The following UHRF1 variants were observed in gnomAD, a reference collection of about 807,000 sequenced individuals.
UHRF1 encodes ubiquitin like with PHD and ring finger domains 1.
A neutral mutation model predicts 96.5 loss-of-function variants in UHRF1; 9 were observed. The observed-to-expected ratio is 0.09, with a 90% CI of 0.06 to 0.16. UHRF1 has a LOEUF of 0.16. Among genes scored for constraint, UHRF1 ranks in the 10% least tolerant of loss-of-function variants. The pLI, the probability that UHRF1 is intolerant of heterozygous loss-of-function variation, is 1.00. For missense variants in UHRF1, 626 were observed against 1,131.1 expected, an observed-to-expected ratio of 0.55 and a Z score of 6.40; for synonymous variants, 455 against 469.9, an observed-to-expected ratio of 0.97 and a Z score of 0.41.
At chr19:4,949,846 GTT>G (rs35696908) in intron 11 of UHRF1, among the ~76,000 whole-genome samples, 7 of 149,446 alleles carry the variant, frequency 4.7e-5, no homozygotes, top group African/African-American at 1.7e-4. Context: ...CTTTTTGTTT[GTT>G]TTTTTTTTAT....
At chr19:4,943,494 T>C (rs1599284402) in intron 7 of UHRF1, among the ~76,000 whole-genome samples, 2 of 110,754 alleles carry the variant, frequency 1.8e-5, no homozygotes, top group African/African-American at 3.6e-5. Context: ...GTTGTTGCCC[T>C]GCCCCCCCTC....
chr19:4,948,258 T>C (rs1443228095), intron 11 of UHRF1, among the ~76,000 whole-genome samples: 3 of 152,282 alleles, frequency 2.0e-5, no homozygotes, highest in African/African-American at 7.2e-5. Flanking sequence ...CAGTGAATTT[T>C]ATTTGCAAAA....
chr19:4,955,068 G>A (rs1285854360), intron 15 of UHRF1, among the ~76,000 whole-genome samples: 2 of 150,800 alleles, frequency 1.3e-5, no homozygotes, highest in Non-Finnish European at 3.0e-5. Context: ...CCCCAGCCCC[G>A]GCAACTGCTC....
chr19:4,957,771 C>G (rs994826390), intron 16 of UHRF1, among the ~76,000 whole-genome samples: 3 of 152,148 alleles, frequency 2.0e-5, no homozygotes, highest in Non-Finnish European at 4.4e-5. Context: ...ATGCCAGGAG[C>G]TCCCTGCCTA....
intron 5 of UHRF1, among the ~76,000 whole-genome samples, chr19:4,934,769 C>T (rs1451356631): frequency 6.6e-6 from 1 of 152,038 alleles, no homozygotes; most frequent in Non-Finnish European, 1.5e-5. Context: ...GCATCTGTGG[C>T]CCGGTAGGGA....
intron 2 of UHRF1, among the ~76,000 whole-genome samples, chr19:4,919,975 G>T (rs2032651979): frequency 1.3e-5 from 2 of 151,682 alleles, no homozygotes; most frequent in Non-Finnish European, 2.9e-5. Flanking sequence ...CCACCACCAC[G>T]CCTGGCTAAT....
In UHRF1 at chr19:4,929,431, A is replaced by T; in HGVS notation, c.363A>T (p.Pro121=). 1.9e-6 allele frequency: 3 copies of T among 1,613,864 alleles called. No individual in the cohort carries two copies. The highest frequency in any genetic ancestry group is 2.5e-6 in the Non-Finnish European group (3 of 1,179,860). ...GEAAAETDSR[P]ADEDMWDETE... Reference sequence around the variant, plus strand: ...CGGCCGCCGAGACTGACAGCAGGCCAGCCGATGAGGACATGTGGGATGAGA... The same window carrying T: ...CGGCCGCCGAGACTGACAGCAGGCCTGCCGATGAGGACATGTGGGATGAGA... Residue 121 remains proline (P), a synonymous_variant, in exon 3 of 17, where the codon CCA becomes CCT. Transcript: ENST00000650932.
At chr19:4,914,156 G>A (rs1002707419) in intron 2 of UHRF1, among the ~76,000 whole-genome samples, 1 of 152,020 alleles carries the variant, frequency 6.6e-6, no homozygotes, top group Admixed American at 6.6e-5. Context: ...AGATCGTGTC[G>A]TTGCTTCTGT....
At chr19:4,908,115 C>T (rs1340862198), upstream of UHRF1, among the ~76,000 whole-genome samples, 1 of 152,166 alleles carries the variant, frequency 6.6e-6, no homozygotes, top group African/African-American at 2.4e-5. Flanking sequence ...GGACATTGTG[C>T]CCACCTGGAT....
chr19:4,952,209 C>T (rs1467631602), intron 13 of UHRF1, among the ~76,000 whole-genome samples: 1 of 151,612 alleles, frequency 6.6e-6, no homozygotes, highest in Non-Finnish European at 1.5e-5. Flanking sequence ...ACTCCTGCCT[C>T]AGCCTCCTGA....
chr19:4,953,114 C>G lies in UHRF1; in HGVS notation c.1819-1236C>G, dbSNP rs150511546. Among the ~76,000 whole-genome samples the G allele has an allele frequency of 5.8e-4, 89 of 152,272 alleles. 1 individual carries two copies. Among genetic ancestry groups the G allele is most frequent in the African/African-American group, 2.1e-3 (89 of 41,558 alleles). On this transcript the variant is annotated intron_variant, in intron 13 of 16. Coordinates refer to ENST00000650932, the MANE Select transcript of UHRF1 (RefSeq NM_001048201.3). Reference sequence around the variant, plus strand: ...CTCACATTAAATGCGCTTACCCCGACCCTGCCAGGTGGAGCTTGGCCGATT... The same window carrying G: ...CTCACATTAAATGCGCTTACCCCGAGCCTGCCAGGTGGAGCTTGGCCGATT...
chr19:4,946,190 C>A (rs373892823), intron 10 of UHRF1, among the ~76,000 whole-genome samples: 1 of 152,080 alleles, frequency 6.6e-6, no homozygotes, highest in Non-Finnish European at 1.5e-5. Context: ...CTCCCCACCC[C>A]CTCCCAGTCC....
At position 4,941,779 on chromosome 19, in the gene UHRF1, C is replaced by T. The variant is rs747067129; in HGVS notation, c.921C>T (p.Asp307=). The change falls in exon 7 of 17, where the codon GAC becomes GAT. Residue 307 remains aspartate, a synonymous_variant. Transcript: ENST00000650932. ...GGCCGTCCTGCAAGCACTGCAAGGA[C>T]GACGTGAACAGACTCTGCCGGGTCT... ...KSGPSCKHCK[D]DVNRLCRVCA... is the part of the protein sequence containing the mutation. 22 of 1,566,268 alleles carry T rather than the reference C, an allele frequency of 1.4e-5. 1 individual carries two copies. Among genetic ancestry groups the T allele is most frequent in the Middle Eastern group, 1.7e-4 (1 of 5,882 alleles).
intron 11 of UHRF1, among the ~76,000 whole-genome samples, 190 bp downstream of exon 11, chr19:4,947,401 T>C (rs1175560634): frequency 1.3e-5 from 2 of 148,468 alleles, no homozygotes; most frequent in African/African-American, 2.5e-5. Context: ...CTGCGCCTGG[T>C]CTGGTTCCTC....
chr19:4,958,099 C>A (rs981932568), intron 16 of UHRF1, among the ~76,000 whole-genome samples: 2 of 152,194 alleles, frequency 1.3e-5, no homozygotes, highest in African/African-American at 4.8e-5. Context: ...ATGGGGTGTT[C>A]CCAGTCATGC....
At position 4,930,575 on chromosome 19, in the gene UHRF1, C is replaced by T. The variant is rs1436690021; in HGVS notation, c.409-141C>T. On this transcript the variant is annotated intron_variant, in intron 3 of 16. Transcript: ENST00000650932. This position sits in a 1 kb window ranked among gnomAD's most constrained non-coding sequence, Gnocchi z 4.4. ...CTGGTTTCTCATGGTCAGCGGTTCC[C>T]AGCCAGGGAGGAGAAACCTCGCTGT... is the stretch of plus-strand genomic sequence containing the variant. The T allele has an allele frequency of 9.1e-7, 1 of 1,096,056 alleles. No individual in the cohort carries two copies. The highest frequency in any genetic ancestry group is 1.3e-6 in the Non-Finnish European group (1 of 767,748). 67.9% of individuals were successfully genotyped at this position (1,096,056 alleles called of 1,614,324 possible).
chr19:4,938,103 A>G (rs1477434079), intron 5 of UHRF1, among the ~76,000 whole-genome samples: 1 of 151,130 alleles, frequency 6.6e-6, no homozygotes, highest in Non-Finnish European at 1.5e-5. Flanking sequence ...GCAGTGAGCT[A>G]TGATCATGCC....
At chr19:4,907,265 C>T (rs191942727), upstream of UHRF1, among the ~76,000 whole-genome samples, 1 of 152,000 alleles carries the variant, frequency 6.6e-6, no homozygotes, top group African/African-American at 2.4e-5. Context: ...ACACACCACC[C>T]TGCCCAGCTA....
At chr19:4,959,853 T>A (rs1316342469) in intron 16 of UHRF1, among the ~76,000 whole-genome samples, 1 of 151,760 alleles carries the variant, frequency 6.6e-6, no homozygotes, top group Non-Finnish European at 1.5e-5. Context: ...GCCCGGCTAA[T>A]TTTTTTGTTT....
Sources: allele counts gnomAD v4.1 joint callset (sites outside exome capture counted in the v4.1 genomes callset), GRCh38; gene constraint gnomAD v4.1.1; non-coding constraint Gnocchi (gnomAD v3.1); transcripts MANE v1.5; gene names NCBI Gene and HGNC (gene_info 2026-07-23, HGNC 2026-07-21).